CLIC5: variants seen among roughly 807,000 people sequenced by gnomAD.
The protein encoded by CLIC5 is chloride intracellular channel protein 5.
CLIC5 carries 20 observed loss-of-function variants against 24.7 expected under a neutral mutation model. The observed-to-expected ratio is 0.81, with a 90% CI of 0.57 to 1.18. The LOEUF (loss-of-function observed/expected upper bound fraction) is 1.18. CLIC5 is among the 50% of genes most tolerant of loss of function. CLIC5 has a pLI of 0.00. For missense variants in CLIC5, 341 were observed against 326.1 expected (o/e 1.05, Z -0.35); for synonymous variants, 159 against 135.6 (o/e 1.17, Z -1.20).
intron 4 of CLIC5, among the ~76,000 whole-genome samples, chr6:45,936,548 A>G (rs1763943708): frequency 6.6e-6 from 1 of 151,998 alleles, no homozygotes; most frequent in Non-Finnish European, 1.5e-5. Flanking sequence ...TATTCCAAGC[A>G]CACTTATGAG....
chr6:46,024,152 A>G, intron 1 of CLIC5, among the ~76,000 whole-genome samples: 1 of 152,228 alleles, frequency 6.6e-6, no homozygotes, highest in East Asian at 1.9e-4. Context: ...ACGATCACAC[A>G]AATTAAAGTT....
chr6:45,983,120 A>G (rs1485621101), intron 1 of CLIC5, among the ~76,000 whole-genome samples: 1 of 152,226 alleles, frequency 6.6e-6, no homozygotes, highest in Non-Finnish European at 1.5e-5. Flanking sequence ...ACATTCAGTG[A>G]GAGATCATAA....
chr6:45,960,367 A>G (rs1436474709), intron 1 of CLIC5, among the ~76,000 whole-genome samples: 2 of 152,224 alleles, frequency 1.3e-5, no homozygotes. Context: ...GCACCCTTGA[A>G]TATATGCTCT....
At chr6:45,886,689 T>A (rs1177106131) in intron 6 of CLIC5, among the ~76,000 whole-genome samples, 1 of 152,218 alleles carries the variant, frequency 6.6e-6, no homozygotes, top group Non-Finnish European at 1.5e-5. Flanking sequence ...CAAATGGTTT[T>A]GAAAATGGGT....
At chr6:46,016,649 C>T (rs1767019570), upstream of CLIC5, among the ~76,000 whole-genome samples, 1 of 152,130 alleles carries the variant, frequency 6.6e-6, no homozygotes, top group African/African-American at 2.4e-5. Context: ...TAGGTGTATG[C>T]CTCAATGAAT....
chr6:46,051,733 C>G (rs1218865073), intron 1 of CLIC5, among the ~76,000 whole-genome samples: 4 of 152,064 alleles, frequency 2.6e-5, no homozygotes, highest in African/African-American at 4.8e-5. Flanking sequence ...TATAAAATAC[C>G]ATCTCATATA....
At chr6:46,080,003 G>A in exon 1 of CLIC5, 1 of 1,551,706 alleles carries the variant, frequency 6.4e-7, no homozygotes, top group South Asian at 1.2e-5. Context: ...GCAGGAGGTA[G>A]CCTCTGTCTT....
the CLIC5 span, among the ~76,000 whole-genome samples, chr6:46,107,325 G>A: frequency 3.9e-5 from 6 of 152,164 alleles, no homozygotes; most frequent in African/African-American, 7.2e-5. Flanking sequence ...AAGTGACCAC[G>A]GTGAGGCCTG....
Position 46,015,553 on chromosome 6 carries a change from C to A in CLIC5, c.-11G>T. ...CGCCGAGTCTGTCATGCCGTTGGCGCCCGGGGCTACCGTCCCGGGCCGGGG... is the reference window on the plus strand; with the variant it reads ...CGCCGAGTCTGTCATGCCGTTGGCGACCGGGGCTACCGTCCCGGGCCGGGG... On this transcript the variant is annotated 5_prime_UTR_variant, in exon 1 of 6. Transcript: ENST00000339561. The A allele has an allele frequency of 6.4e-7, 1 of 1,565,298 alleles. No individual in the cohort carries two copies.
At chr6:46,099,657 G>T in the CLIC5 span, among the ~76,000 whole-genome samples, 1 of 152,078 alleles carries the variant, frequency 6.6e-6, no homozygotes, top group Non-Finnish European at 1.5e-5. Context: ...GACCATGTGT[G>T]TCTTTAAACC....
At chr6:46,058,995 G>C (rs930779147) in intron 1 of CLIC5, among the ~76,000 whole-genome samples, 3 of 152,148 alleles carry the variant, frequency 2.0e-5, no homozygotes, top group Non-Finnish European at 4.4e-5. Flanking sequence ...GGAAGCTGTG[G>C]GGTTTTTTCT....
intron 1 of CLIC5, among the ~76,000 whole-genome samples, chr6:46,037,630 G>C (rs1435423801): frequency 6.6e-6 from 1 of 152,160 alleles, no homozygotes; most frequent in Non-Finnish European, 1.5e-5. Context: ...TATGTGTTGG[G>C]CACCCTATTT....
At chr6:46,121,236 G>A in the CLIC5 span, among the ~76,000 whole-genome samples, 1 of 152,222 alleles carries the variant, frequency 6.6e-6, no homozygotes, top group Non-Finnish European at 1.5e-5. Flanking sequence ...TAATCTCTCG[G>A]CAGAAACTCT....
chr6:46,070,117 T>C (rs906991563), intron 1 of CLIC5, among the ~76,000 whole-genome samples: 10 of 152,158 alleles, frequency 6.6e-5, no homozygotes, highest in African/African-American at 2.4e-4. Context: ...TCCAACATCA[T>C]ACTGAATGAA....
At chr6:45,940,835 C>T (rs571506974) in intron 4 of CLIC5, among the ~76,000 whole-genome samples, 42 of 152,316 alleles carry the variant, frequency 2.8e-4, no homozygotes, top group Non-Finnish European at 4.9e-4. Context: ...CTTAATTGGA[C>T]GGTTCCATTC....
chr6:45,954,409 CT>C (rs1764575234), intron 2 of CLIC5, among the ~76,000 whole-genome samples: 1 of 151,968 alleles, frequency 6.6e-6, no homozygotes, highest in Admixed American at 6.6e-5. Context: ...CCAAGTGAAA[CT>C]ATCTAGATGA....
At chr6:46,082,958 A>C (rs1762955197), upstream of CLIC5, among the ~76,000 whole-genome samples, 2 of 152,220 alleles carry the variant, frequency 1.3e-5, no homozygotes, top group Admixed American at 1.3e-4. Flanking sequence ...TATCTCAAGT[A>C]CCTAGAACAG....
the CLIC5 span, among the ~76,000 whole-genome samples, chr6:46,088,468 T>C: frequency 2.0e-5 from 3 of 152,174 alleles, no homozygotes; most frequent in African/African-American, 7.2e-5. Flanking sequence ...GATGTATGTA[T>C]TTTATATCAA....
At position 45,913,517 on chromosome 6, in the gene CLIC5, G is replaced by A. The variant is rs754509893; in HGVS notation, c.588+711C>T. ...TGGCTCATTAAGCAGAGGGCTCCTC[G>A]TTCTCAGAGGCTGCAGTCACAGCTT... On this transcript the variant is annotated intron_variant, in intron 5 of 5. Transcript: ENST00000339561. Among the ~76,000 whole-genome samples, 17 of 152,162 alleles carry A rather than the reference G, an allele frequency of 1.1e-4. 1 individual carries two copies. Among genetic ancestry groups the A allele is most frequent in the Non-Finnish European group, 2.2e-4 (15 of 68,030 alleles).
Sources: gnomAD v4.1 joint callset for allele counts (sites outside exome capture counted in the v4.1 genomes callset) on GRCh38, gnomAD v4.1.1 for gene constraint, MANE v1.5 for transcripts, NCBI Gene and HGNC (gene_info 2026-07-23, HGNC 2026-07-21) for gene names.